KCNIP4: variants seen among roughly 807,000 people sequenced by gnomAD.
KCNIP4 encodes the protein Kv channel-interacting protein 4.
In KCNIP4, 12 loss-of-function variants were observed where a neutral mutation model predicts 34.0. That is an observed-to-expected ratio of 0.35 (90% confidence interval 0.23 to 0.57). KCNIP4 has a LOEUF of 0.57. KCNIP4 is among the 20% of genes least tolerant of loss of function. The pLI is 0.83. For missense variants in KCNIP4, 238 were observed against 311.7 expected (o/e 0.76, Z 1.78); for synonymous variants, 124 against 102.2 (o/e 1.21, Z -1.29).
chr4:21,858,608 T>C (rs1207453530), intron 1 of KCNIP4, among the ~76,000 whole-genome samples: 1 of 152,216 alleles, frequency 6.6e-6, no homozygotes, highest in East Asian at 1.9e-4. Context: ...TAAAAATTAC[T>C]TTTACAAGCA....
intron 1 of KCNIP4, among the ~76,000 whole-genome samples, chr4:21,477,749 G>C (rs1250684886): frequency 6.6e-6 from 1 of 152,196 alleles, no homozygotes; most frequent in Non-Finnish European, 1.5e-5. Flanking sequence ...ACCATGTACA[G>C]AAGGTGCCTA....
Position 21,178,492 on chromosome 4 carries a change from CAGG to C in KCNIP4, c.62-295786_62-295784del, listed in dbSNP as rs1358001966. 9.1e-3 allele frequency among the ~76,000 whole-genome samples: 1,363 copies of C among 150,012 alleles called. 45 individuals carry two copies. The highest frequency in any genetic ancestry group is 0.032 in the African/African-American group (1,256 of 39,502). ...GGATTCACAGACCTCAGTTTATTTC[CAGG>C]TATAGTAACCATGTGTCCAGGATAG... On this transcript the variant is annotated intron_variant, in intron 1 of 8. Coordinates refer to ENST00000382152, the MANE Select transcript of KCNIP4 (RefSeq NM_025221.6).
intron 1 of KCNIP4, among the ~76,000 whole-genome samples, chr4:21,772,428 G>A (rs1007038203): frequency 6.6e-6 from 1 of 152,142 alleles, no homozygotes; most frequent in Non-Finnish European, 1.5e-5. Context: ...TCAGGATGAT[G>A]CTGGCTTCAT....
chr4:20,989,778 G>A (rs551348668), intron 1 of KCNIP4, among the ~76,000 whole-genome samples: 4 of 152,022 alleles, frequency 2.6e-5, no homozygotes, highest in Non-Finnish European at 4.4e-5. Flanking sequence ...AGACCAGCCC[G>A]GGCAACATGG....
chr4:21,665,501 A>T (rs1260228627), intron 1 of KCNIP4, among the ~76,000 whole-genome samples: 1 of 119,076 alleles, frequency 8.4e-6, no homozygotes, highest in East Asian at 3.0e-4. Flanking sequence ...TGTCTTTTCT[A>T]TCACAGGGCA....
chr4:21,782,261 C>T (rs1160280422), intron 1 of KCNIP4, among the ~76,000 whole-genome samples: 1 of 152,132 alleles, frequency 6.6e-6, no homozygotes, highest in Non-Finnish European at 1.5e-5. Flanking sequence ...TAGAAATATA[C>T]ATGCCATACA....
At chr4:21,689,312 A>C (rs1005874685) in intron 1 of KCNIP4, among the ~76,000 whole-genome samples, 1 of 152,204 alleles carries the variant, frequency 6.6e-6, no homozygotes, top group Non-Finnish European at 1.5e-5. Flanking sequence ...AATTTGAATA[A>C]AACTAATAGA....
At chr4:20,868,969 T>C (rs1467426828) in intron 2 of KCNIP4, among the ~76,000 whole-genome samples, 2 of 152,012 alleles carry the variant, frequency 1.3e-5, no homozygotes, top group Non-Finnish European at 2.9e-5. Flanking sequence ...GTATCTAACA[T>C]AGAATTTGAA....
intron 1 of KCNIP4, among the ~76,000 whole-genome samples, chr4:21,499,230 C>T (rs1380099272): frequency 6.7e-6 from 1 of 150,300 alleles, no homozygotes; most frequent in Non-Finnish European, 1.5e-5. Flanking sequence ...ACTCAGGAGG[C>T]TGAGGCAGAA....
At chr4:20,843,131 C>G (rs1039597087) in intron 3 of KCNIP4, among the ~76,000 whole-genome samples, 2 of 152,054 alleles carry the variant, frequency 1.3e-5, no homozygotes, top group Admixed American at 1.3e-4. Flanking sequence ...TGGTCTTGAA[C>G]TCCAGGCCTA....
At chr4:21,339,662 C>A (rs1313990794) in intron 1 of KCNIP4, among the ~76,000 whole-genome samples, 1 of 151,960 alleles carries the variant, frequency 6.6e-6, no homozygotes, top group Non-Finnish European at 1.5e-5. Flanking sequence ...ATTTAAGAAG[C>A]AAGGATGGAA....
rs953451940 is a variant in KCNIP4 at position 20,840,450 on chromosome 4, G to A, written c.288+10093C>T. ...TTTCTACCTGAGTACATAGGAAGAC[G>A]TATTTCTCAGCCTCTCTTGAAATCA... On this transcript the variant is annotated intron_variant, in intron 3 of 8. Coordinates refer to ENST00000382152, the MANE Select transcript of KCNIP4 (RefSeq NM_025221.6). 1.4e-4 allele frequency among the ~76,000 whole-genome samples: 21 copies of A among 152,256 alleles called. 1 individual carries two copies. Among genetic ancestry groups the A allele is most frequent in the South Asian group, 4.1e-4 (2 of 4,820 alleles).
chr4:21,327,625 C>T (rs563234952), intron 1 of KCNIP4, among the ~76,000 whole-genome samples: 37 of 152,124 alleles, frequency 2.4e-4, no homozygotes, highest in Admixed American at 1.4e-3. Flanking sequence ...CCATTTGAAT[C>T]AAATTTCTAC....
intron 1 of KCNIP4, among the ~76,000 whole-genome samples, chr4:21,612,236 T>C (rs1330197669): frequency 6.6e-6 from 1 of 152,202 alleles, no homozygotes; most frequent in African/African-American, 2.4e-5. Context: ...AAATATTATG[T>C]GCATTGAACA....
chr4:21,748,078 A>G (rs949157311), intron 1 of KCNIP4, among the ~76,000 whole-genome samples: 1 of 152,134 alleles, frequency 6.6e-6, no homozygotes, highest in Non-Finnish European at 1.5e-5. Flanking sequence ...TAATCTGGAG[A>G]ACTGTGAGAG....
chr4:20,945,879 C>A (rs1732142557), intron 1 of KCNIP4, among the ~76,000 whole-genome samples: 1 of 152,082 alleles, frequency 6.6e-6, no homozygotes, highest in Non-Finnish European at 1.5e-5. Flanking sequence ...AGGTGAGCAG[C>A]CCTTTGTATT....
In KCNIP4 at chr4:21,200,322, G is replaced by GTA. The variant is rs1177497667; in HGVS notation, c.62-317614_62-317613insTA. 3.2e-4 allele frequency among the ~76,000 whole-genome samples: 17 copies of GTA among 53,504 alleles called. 2 individuals carry two copies. Among genetic ancestry groups the GTA allele is most frequent in the African/African-American group, 2.1e-3 (13 of 6,254 alleles). The allele number at this position is 53,504 out of a possible 152,430, so 35.1% of individuals were successfully genotyped here. A position where few individuals can be genotyped will look rare whatever the true frequency, so the allele number is the denominator to read the frequency against. ...TGTGTATATATATACATACATATAT[G>GTA]TGTGTATATATATATACATACATAT... On this transcript the variant is annotated intron_variant, in intron 1 of 8. Coordinates refer to ENST00000382152, the MANE Select transcript of KCNIP4 (RefSeq NM_025221.6).
rs1235343832 is a variant in KCNIP4 at position 20,732,921 on chromosome 4, T to A, written c.538-136A>T. The A allele has an allele frequency of 1.0e-5, 6 of 591,132 alleles. 1 individual carries two copies. The highest frequency in any genetic ancestry group is 1.8e-5 in the Non-Finnish European group (6 of 337,162). 36.6% of individuals were successfully genotyped at this position (591,132 alleles called of 1,614,324 possible). A position where few individuals can be genotyped will look rare whatever the true frequency, so the allele number is the denominator to read the frequency against. On this transcript the variant is annotated intron_variant, in intron 6 of 8. Coordinates refer to ENST00000382152, the MANE Select transcript of KCNIP4 (RefSeq NM_025221.6). ...GTTGGATTCTTTGTTAGACGACTGT[T>A]GGTTGTCCCAAAGGAAAAGGCAACA...
chr4:21,148,794 T>G (rs17506080), intron 1 of KCNIP4, among the ~76,000 whole-genome samples: 14,042 of 152,170 alleles, frequency 0.092, 810 homozygotes, highest in East Asian at 0.19. Context: ...CAATTCAATT[T>G]GCCAAATCAT....
Sources: allele counts gnomAD v4.1 joint callset (sites outside exome capture counted in the v4.1 genomes callset), GRCh38; gene constraint gnomAD v4.1.1; transcripts MANE v1.5; gene names NCBI Gene and HGNC (gene_info 2026-07-23, HGNC 2026-07-21).